The following ARMC2 variants were observed in gnomAD, a reference collection of about 807,000 sequenced individuals.
ARMC2 encodes the protein armadillo repeat-containing protein 2.
In ARMC2, 67 loss-of-function variants were observed where a neutral mutation model predicts 90.3. That is an observed-to-expected ratio of 0.74 (90% CI 0.61 to 0.91). The LOEUF is 0.91. ARMC2 is among the 40% of genes least tolerant of loss of function. ARMC2 has a pLI of 0.00. For synonymous variants in ARMC2, 393 were observed against 393.0 expected, an observed-to-expected ratio of 1.00 and a Z score of 0.00; for missense variants, 920 against 1,030.9, an observed-to-expected ratio of 0.89 and a Z score of 1.47.
rs577882756 is a variant in ARMC2, at chr6:108,968,386, C to T, written c.2446+3246C>T. Among the ~76,000 whole-genome samples the T allele has an allele frequency of 1.3e-3, 202 of 152,328 alleles. 1 individual carries two copies. Among genetic ancestry groups the T allele is most frequent in the African/African-American group, 4.4e-3 (183 of 41,576 alleles). On this transcript the variant is annotated intron_variant, in intron 17 of 17. Coordinates refer to ENST00000392644, the MANE Select transcript of ARMC2 (RefSeq NM_032131.6). ...CCTAGAACACCCTTACTCCACTGCA[C>T]CTTGTGCAGGGGGACTGTGGCATGG...
chr6:108,980,721 G>A, the ARMC2 span, among the ~76,000 whole-genome samples: 1 of 152,186 alleles, frequency 6.6e-6, no homozygotes, highest in Admixed American at 6.5e-5. Context: ...AATCTAGAGA[G>A]GCAGTCTGGC....
rs758073260 is a variant in ARMC2, at chr6:108,944,493, C to T, written c.1596+7494C>T. Among the ~76,000 whole-genome samples, 6 of 152,200 alleles carry T rather than the reference C, an allele frequency of 3.9e-5. No individual in the cohort carries two copies. The South Asian group carries it at 1.2e-3, about 31-fold the overall frequency. On this transcript the variant is annotated intron_variant, in intron 12 of 17. Coordinates refer to ENST00000392644, the MANE Select transcript of ARMC2 (RefSeq NM_032131.6). Reference sequence around the variant, plus strand: ...CCCTCAGGAGAGATGGGCACAGGCTCTACTCCTCAGGACCCTTAGAGCCGC... The same window carrying T: ...CCCTCAGGAGAGATGGGCACAGGCTTTACTCCTCAGGACCCTTAGAGCCGC...
intron 13 of ARMC2, among the ~76,000 whole-genome samples, chr6:108,956,908 C>A (rs1245344490): frequency 6.6e-6 from 1 of 152,216 alleles, no homozygotes; most frequent in African/African-American, 2.4e-5. Flanking sequence ...AGGAGGATCT[C>A]TTGAACCCAG....
At chr6:108,875,279 T>G (rs1322393163) in intron 4 of ARMC2, among the ~76,000 whole-genome samples, 1 of 152,202 alleles carries the variant, frequency 6.6e-6, no homozygotes, top group Non-Finnish European at 1.5e-5. Context: ...TTTAGAGGTA[T>G]GTTTCAATGC....
the ARMC2 span, among the ~76,000 whole-genome samples, chr6:109,035,093 A>G: frequency 6.6e-6 from 1 of 152,126 alleles, no homozygotes; most frequent in African/African-American, 2.4e-5. Context: ...GGGCAAGAGG[A>G]TTCATTCAGC....
chr6:109,027,309 C>T, the ARMC2 span, among the ~76,000 whole-genome samples: 1 of 151,522 alleles, frequency 6.6e-6, no homozygotes, highest in Non-Finnish European at 1.5e-5. Flanking sequence ...CCCGTCTCTA[C>T]TAAAAATATA....
Position 108,953,060 on chromosome 6 carries a change from CT to C in ARMC2, c.1626del (p.Gly543AlafsTer3). 6.2e-7 allele frequency: 1 copy of C among 1,612,138 alleles called. No homozygotes were observed. ...QDLVVRVVFI[L>X]GNLTAKNNQA... Reference sequence around the variant, plus strand: ...TTTAGTCGTCCGTGTTGTTTTTATTCTTGGCAACCTGACGGCAAAAAATAAC... The same window carrying C: ...TTTAGTCGTCCGTGTTGTTTTTATTCTGGCAACCTGACGGCAAAAAATAAC... On this transcript the variant is annotated frameshift_variant, in exon 13 of 18. Coordinates refer to ENST00000392644, the MANE Select transcript of ARMC2 (RefSeq NM_032131.6). LOFTEE classifies it high-confidence loss of function.
At chr6:108,998,752 G>A in the ARMC2 span, 1 of 1,603,280 alleles carries the variant, frequency 6.2e-7, no homozygotes, top group Non-Finnish European at 8.5e-7. Context: ...GCTTTTAAAA[G>A]TCCCTTAGGG....
At chr6:108,934,633 T>C (rs1775817457) in intron 11 of ARMC2, among the ~76,000 whole-genome samples, 1 of 152,216 alleles carries the variant, frequency 6.6e-6, no homozygotes, top group East Asian at 1.9e-4. Flanking sequence ...AGGGTATATA[T>C]GTGTGTATGT....
chr6:108,921,770 T>G (rs1038503684), intron 10 of ARMC2, among the ~76,000 whole-genome samples: 11 of 152,246 alleles, frequency 7.2e-5, no homozygotes, highest in African/African-American at 2.7e-4. Context: ...CTGTTTGTGG[T>G]CTCTGGCGGC....
At chr6:108,856,921 A>T (rs1435869172) in intron 2 of ARMC2, among the ~76,000 whole-genome samples, 1 of 152,020 alleles carries the variant, frequency 6.6e-6, no homozygotes, top group Non-Finnish European at 1.5e-5. Context: ...TGTTCCATTG[A>T]TCTGTTTGTC....
the ARMC2 span, among the ~76,000 whole-genome samples, chr6:109,048,748 A>C: frequency 2.6e-5 from 4 of 152,134 alleles, no homozygotes; most frequent in Non-Finnish European, 5.9e-5. Context: ...TAAATTACCT[A>C]TCTCTTCCTC....
At chr6:109,017,913 T>A in the ARMC2 span, among the ~76,000 whole-genome samples, 1 of 152,332 alleles carries the variant, frequency 6.6e-6, no homozygotes, top group South Asian at 2.1e-4. Flanking sequence ...ATGCCTGTAA[T>A]CTCAGCACTT....
chr6:108,981,446 C>T, the ARMC2 span, among the ~76,000 whole-genome samples: 10,801 of 152,166 alleles, frequency 0.071, 868 homozygotes, highest in African/African-American at 0.2. Context: ...TGTAAACTGA[C>T]GCTATACGCA....
chr6:108,910,848 C>A, intron 8 of ARMC2, 51 bp from the exon 9 acceptor site: 4 of 857,832 alleles, frequency 4.7e-6, no homozygotes, highest in South Asian at 2.0e-5. Flanking sequence ...TTTTTTAATA[C>A]AGCATGTCTT....
the ARMC2 span, among the ~76,000 whole-genome samples, chr6:109,039,086 AAAGGAGAAGGAGGGAGGAG>A: frequency 6.7e-6 from 1 of 148,970 alleles, no homozygotes; most frequent in Admixed American, 6.7e-5. Context: ...GGAGGGAGGA[AAAGGAGAAGGAGGGAGGAG>A]AAGGAGAAGG....
the ARMC2 span, among the ~76,000 whole-genome samples, chr6:109,026,415 C>T: frequency 2.6e-5 from 4 of 152,234 alleles, no homozygotes; most frequent in East Asian, 5.8e-4. Context: ...ACATTCTGTA[C>T]GAATTCTGAA....
At chr6:108,884,151 A>G (rs2128446790) in intron 5 of ARMC2, among the ~76,000 whole-genome samples, 1 of 152,320 alleles carries the variant, frequency 6.6e-6, no homozygotes, top group East Asian at 1.9e-4. Context: ...TTTCTGTCCG[A>G]TAAGCGTTTC....
At chr6:108,953,383 C>A in intron 13 of ARMC2, 32 bp downstream of exon 13, 5 of 1,561,634 alleles carry the variant, frequency 3.2e-6, no homozygotes, top group Non-Finnish European at 4.3e-6. Context: ...CTGCAGCAGA[C>A]ACAACCAACT....
Sources: gnomAD v4.1 joint callset for allele counts (sites outside exome capture counted in the v4.1 genomes callset) on GRCh38, gnomAD v4.1.1 for gene constraint, MANE v1.5 for transcripts, NCBI Gene and HGNC (gene_info 2026-07-23, HGNC 2026-07-21) for gene names.